The following SLC24A2 variants were observed in gnomAD, a reference collection of about 807,000 sequenced individuals.
SLC24A2 encodes sodium/potassium/calcium exchanger 2.
A neutral mutation model predicts 62.0 loss-of-function variants in SLC24A2; 36 were observed. The observed-to-expected ratio is 0.58, with a 90% CI of 0.44 to 0.77. The LOEUF is 0.77. Among genes scored for constraint, SLC24A2 ranks in the 30% least tolerant of loss-of-function variants. SLC24A2 has a pLI of 0.00. For synonymous variants in SLC24A2, 358 were observed against 294.0 expected (o/e 1.22, Z -2.23); for missense variants, 846 against 817.9 (o/e 1.03, Z -0.42).
the SLC24A2 span, among the ~76,000 whole-genome samples, chr9:20,259,210 T>C: frequency 6.6e-6 from 1 of 152,240 alleles, no homozygotes; most frequent in Non-Finnish European, 1.5e-5. Context: ...TGCTGATACC[T>C]TGATTTTAGC....
the SLC24A2 span, among the ~76,000 whole-genome samples, chr9:20,118,736 T>C: frequency 2.7e-4 from 41 of 152,174 alleles, no homozygotes; most frequent in African/African-American, 9.9e-4. Flanking sequence ...ATAAAGACAT[T>C]AGAAGACCAA....
intron 5 of SLC24A2, among the ~76,000 whole-genome samples, chr9:19,592,662 T>C (rs1836592947): frequency 6.6e-6 from 1 of 152,180 alleles, no homozygotes; most frequent in Non-Finnish European, 1.5e-5. Flanking sequence ...ATCTGTCCCA[T>C]CACACAAACT....
At chr9:20,029,087 C>T in the SLC24A2 span, among the ~76,000 whole-genome samples, 720 of 152,328 alleles carry the variant, frequency 4.7e-3, 2 homozygotes, top group Admixed American at 9.3e-3. Flanking sequence ...CAATTTCTCA[C>T]TCACTGTGAT....
At chr9:20,073,862 G>C in the SLC24A2 span, among the ~76,000 whole-genome samples, 1 of 129,666 alleles carries the variant, frequency 7.7e-6, no homozygotes, top group Non-Finnish European at 1.6e-5. Flanking sequence ...ATATTTGTGT[G>C]TGTATATGTG....
intron 2 of SLC24A2, among the ~76,000 whole-genome samples, chr9:19,671,697 T>A (rs1428510522): frequency 6.6e-6 from 1 of 152,218 alleles, no homozygotes; most frequent in African/African-American, 2.4e-5. Context: ...GGGTTTGTCA[T>A]AGATGGCTTT....
At chr9:19,606,447 T>A (rs1418003183) in intron 4 of SLC24A2, among the ~76,000 whole-genome samples, 1 of 152,220 alleles carries the variant, frequency 6.6e-6, no homozygotes, top group Non-Finnish European at 1.5e-5. Context: ...TTACTGCAAC[T>A]GCATATCTAA....
chr9:19,805,107 G>A, the SLC24A2 span, among the ~76,000 whole-genome samples: 1 of 152,056 alleles, frequency 6.6e-6, no homozygotes, highest in Non-Finnish European at 1.5e-5. Context: ...CTTGACTCTG[G>A]TCAGCACAAC....
At chr9:20,283,976 C>T in the SLC24A2 span, among the ~76,000 whole-genome samples, 3 of 152,100 alleles carry the variant, frequency 2.0e-5, no homozygotes, top group Admixed American at 2.0e-4. Context: ...AACATGCGTG[C>T]CCAAAAAGCT....
intron 2 of SLC24A2, among the ~76,000 whole-genome samples, chr9:19,765,623 C>T (rs1037967098): frequency 6.6e-6 from 1 of 152,186 alleles, no homozygotes; most frequent in Admixed American, 6.6e-5. Context: ...TGAATATTGG[C>T]CCCCACTCTC....
At chr9:20,293,418 G>A in the SLC24A2 span, among the ~76,000 whole-genome samples, 1 of 152,146 alleles carries the variant, frequency 6.6e-6, no homozygotes, top group African/African-American at 2.4e-5. Context: ...GAGGCAGAGT[G>A]GATTTGGTGT....
chr9:19,826,788 C>T, the SLC24A2 span, among the ~76,000 whole-genome samples: 2 of 152,062 alleles, frequency 1.3e-5, no homozygotes, highest in South Asian at 2.1e-4. Context: ...TTAGTTTCAA[C>T]GTGATTTTTG....
chr9:20,221,966 A>G, the SLC24A2 span, among the ~76,000 whole-genome samples: 2 of 152,124 alleles, frequency 1.3e-5, no homozygotes, highest in African/African-American at 4.8e-5. Context: ...GAAATGAAAC[A>G]GTGAGAACAG....
the SLC24A2 span, among the ~76,000 whole-genome samples, chr9:20,249,849 A>G: frequency 6.6e-6 from 1 of 152,200 alleles, no homozygotes; most frequent in African/African-American, 2.4e-5. Flanking sequence ...GGTGACTCCC[A>G]ACACTGACCT....
intron 2 of SLC24A2, among the ~76,000 whole-genome samples, chr9:19,704,699 G>C (rs1247856664): frequency 6.6e-6 from 1 of 151,960 alleles, no homozygotes; most frequent in Non-Finnish European, 1.5e-5. Flanking sequence ...TGTCAGAAGA[G>C]AGAAAGACTT....
At chr9:20,038,627 ACAAAC>A in the SLC24A2 span, among the ~76,000 whole-genome samples, 1 of 144,800 alleles carries the variant, frequency 6.9e-6, no homozygotes. Context: ...AGTAAAAGAA[ACAAAC>A]AAAAAAAAAA....
chr9:20,199,828 C>T, the SLC24A2 span, among the ~76,000 whole-genome samples: 5 of 151,186 alleles, frequency 3.3e-5, no homozygotes, highest in Admixed American at 1.3e-4. Context: ...AAGTGATTCA[C>T]GTGCCTCAGC....
the SLC24A2 span, among the ~76,000 whole-genome samples, chr9:19,835,586 C>G: frequency 3.9e-5 from 6 of 152,216 alleles, no homozygotes; most frequent in Admixed American, 2.6e-4. Flanking sequence ...CAAGTCCTTA[C>G]TGACCTACAA....
At chr9:20,270,572 A>G in the SLC24A2 span, among the ~76,000 whole-genome samples, 1 of 152,122 alleles carries the variant, frequency 6.6e-6, no homozygotes, top group Admixed American at 6.5e-5. Context: ...TTAGCAAGGT[A>G]TTTCCCTAAA....
In SLC24A2 at chr9:19,654,339, C is replaced by T. The variant is rs766059428; in HGVS notation, c.931-32040G>A. 7.2e-5 allele frequency among the ~76,000 whole-genome samples: 11 copies of T among 152,144 alleles called. 1 individual carries two copies. The highest frequency in any genetic ancestry group is 3.2e-3 in the Middle Eastern group (1 of 316). Reference sequence around the variant, plus strand: ...TGATATTTGGCCTGGCTGCCTTGCCCTTCAGCACCTGTGTGCTCCCAGGAA... The same window carrying T: ...TGATATTTGGCCTGGCTGCCTTGCCTTTCAGCACCTGTGTGCTCCCAGGAA... On this transcript the variant is annotated intron_variant, in intron 2 of 10. Transcript: ENST00000341998.
Sources: gnomAD v4.1 joint callset for allele counts (sites outside exome capture counted in the v4.1 genomes callset) on GRCh38, gnomAD v4.1.1 for gene constraint, MANE v1.5 for transcripts, NCBI Gene and HGNC (gene_info 2026-07-23, HGNC 2026-07-21) for gene names.